CLVS1: variants seen among roughly 807,000 people sequenced by gnomAD.
CLVS1 encodes clavesin 1.
Under a neutral mutation model 33.1 loss-of-function variants are expected in CLVS1, and 10 were observed. The ratio of observed to expected loss-of-function variants is 0.30; its 90% confidence interval spans 0.19 to 0.51. The LOEUF (loss-of-function observed/expected upper bound fraction) is 0.51. Ranked by LOEUF, CLVS1 falls within the 20% of genes least tolerant of loss-of-function variation. The pLI is 0.97. For synonymous variants in CLVS1, 163 were observed against 166.1 expected, an observed-to-expected ratio of 0.98 and a Z score of 0.14; for missense variants, 343 against 433.4, an observed-to-expected ratio of 0.79 and a Z score of 1.85.
chr8:61,012,388 A>G, the CLVS1 span, among the ~76,000 whole-genome samples: 2 of 152,198 alleles, frequency 1.3e-5, no homozygotes, highest in Non-Finnish European at 2.9e-5. Flanking sequence ...TCATTATATC[A>G]TTTTTCCCAA....
At chr8:61,299,545 G>A (rs1489814955) in intron 1 of CLVS1, 132 bp from the exon 2 acceptor site, 2 of 348,964 alleles carry the variant, frequency 5.7e-6, no homozygotes, top group Non-Finnish European at 5.2e-6. Context: ...TTTATCATTT[G>A]TTCTTTGGAC....
intron 3 of CLVS1, among the ~76,000 whole-genome samples, chr8:61,387,216 C>T (rs967416722): frequency 1.3e-5 from 2 of 151,964 alleles, no homozygotes; most frequent in Non-Finnish European, 2.9e-5. Flanking sequence ...GGTGAAACTC[C>T]ATCTCTACTA....
intron 1 of CLVS1, among the ~76,000 whole-genome samples, chr8:61,104,722 G>A (rs1450094801): frequency 1.3e-5 from 2 of 152,134 alleles, no homozygotes; most frequent in African/African-American, 2.4e-5. Context: ...TTGCTCTGAG[G>A]CACAAGTTGG....
chr8:61,052,849 G>C (rs73687886), upstream of CLVS1, among the ~76,000 whole-genome samples: 8,804 of 152,272 alleles, frequency 0.058, 271 homozygotes, highest in South Asian at 0.074. Context: ...GTTGACATGA[G>C]AGAACACCAA....
chr8:61,020,732 C>T, the CLVS1 span, among the ~76,000 whole-genome samples: 2 of 152,208 alleles, frequency 1.3e-5, no homozygotes, highest in Non-Finnish European at 2.9e-5. Context: ...TTTTGCATGC[C>T]TCATGCTTAA....
chr8:61,398,764 A>G (rs1190011704), intron 3 of CLVS1, among the ~76,000 whole-genome samples: 1 of 152,036 alleles, frequency 6.6e-6, no homozygotes, highest in Non-Finnish European at 1.5e-5. Flanking sequence ...ACATGTTCTC[A>G]TTATTCAGCT....
chr8:61,319,245 A>G (rs1278642437), intron 2 of CLVS1, among the ~76,000 whole-genome samples: 1 of 152,250 alleles, frequency 6.6e-6, no homozygotes, highest in South Asian at 2.1e-4. Flanking sequence ...GAGCAGCCCT[A>G]TTACCTTTCT....
At chr8:61,260,056 T>G (rs1487482545) in intron 2 of CLVS1, among the ~76,000 whole-genome samples, 2 of 152,324 alleles carry the variant, frequency 1.3e-5, no homozygotes, top group East Asian at 1.9e-4. Flanking sequence ...TCTCCCCCTT[T>G]GCTTTCAGTT....
chr8:61,051,927 C>G, the CLVS1 span, among the ~76,000 whole-genome samples: 1 of 152,234 alleles, frequency 6.6e-6, no homozygotes, highest in Non-Finnish European at 1.5e-5. Context: ...TTCCTGTTGC[C>G]CAGGCCTCCT....
At chr8:61,041,170 T>C in the CLVS1 span, among the ~76,000 whole-genome samples, 1 of 152,216 alleles carries the variant, frequency 6.6e-6, no homozygotes, top group Non-Finnish European at 1.5e-5. Context: ...CTGGGTTATC[T>C]GTTTTGTTCC....
intron 5 of CLVS1, among the ~76,000 whole-genome samples, chr8:61,460,276 A>C (rs1246960990): frequency 6.6e-6 from 1 of 152,226 alleles, no homozygotes; most frequent in African/African-American, 2.4e-5. Context: ...CAGTTCATAT[A>C]TGTGTGTATA....
chr8:61,215,357 C>T (rs1380560344), intron 2 of CLVS1, among the ~76,000 whole-genome samples: 1 of 152,116 alleles, frequency 6.6e-6, no homozygotes, highest in African/African-American at 2.4e-5. Context: ...GGCCACATGG[C>T]ACATGGTCAG....
intron 2 of CLVS1, among the ~76,000 whole-genome samples, chr8:61,319,265 C>T (rs904646821): frequency 6.6e-6 from 1 of 152,144 alleles, no homozygotes; most frequent in Non-Finnish European, 1.5e-5. Context: ...TGTGGCCTCA[C>T]TAATTCTGTA....
intron 3 of CLVS1, among the ~76,000 whole-genome samples, chr8:61,392,801 C>T (rs1364620074): frequency 6.6e-6 from 1 of 151,058 alleles, no homozygotes; most frequent in African/African-American, 2.5e-5. Flanking sequence ...CGAGATTGCA[C>T]CACTGCACTC....
intron 2 of CLVS1, among the ~76,000 whole-genome samples, chr8:61,362,493 T>C (rs1813029256): frequency 6.6e-6 from 1 of 152,220 alleles, no homozygotes; most frequent in Non-Finnish European, 1.5e-5. Context: ...AGTTTCATTA[T>C]ATGACAGAAA....
chr8:61,458,694 C>G, intron 5 of CLVS1, 152 bp downstream of exon 5: 1 of 597,404 alleles, frequency 1.7e-6, no homozygotes, highest in Admixed American at 3.5e-5. Context: ...TTCACTAAAA[C>G]TGAAAACAAA....
At chr8:61,428,149 C>T (rs78919155) in intron 3 of CLVS1, among the ~76,000 whole-genome samples, 1,555 of 152,304 alleles carry the variant, frequency 0.01, 29 homozygotes, top group African/African-American at 0.036. Context: ...GATTTGTAGT[C>T]GTCCCTAAGA....
At chr8:61,266,064 T>A (rs1809296595) in intron 2 of CLVS1, among the ~76,000 whole-genome samples, 1 of 152,178 alleles carries the variant, frequency 6.6e-6, no homozygotes, top group Admixed American at 6.5e-5. Context: ...AAATGTCAGA[T>A]GAGAGCCTGT....
intron 2 of CLVS1, among the ~76,000 whole-genome samples, chr8:61,253,155 T>G (rs976843390): frequency 3.3e-5 from 5 of 152,158 alleles, no homozygotes; most frequent in African/African-American, 1.2e-4. Context: ...GTCTGAAAAG[T>G]ATTTTATTTC....
Sources: gnomAD v4.1 joint callset for allele counts (sites outside exome capture counted in the v4.1 genomes callset) on GRCh38, gnomAD v4.1.1 for gene constraint, MANE v1.5 for transcripts, NCBI Gene and HGNC (gene_info 2026-07-23, HGNC 2026-07-21) for gene names.